ZDBF2: variants seen among roughly 807,000 people sequenced by gnomAD.
ZDBF2 encodes the protein zinc finger DBF-type containing 2.
In ZDBF2, 6 loss-of-function variants were observed where a neutral mutation model predicts 9.4. The ratio of observed to expected loss-of-function variants is 0.64; its 90% CI spans 0.35 to 1.27. The LOEUF (loss-of-function observed/expected upper bound fraction) is 1.27, where lower values mean the gene tolerates loss of function less well. Ranked by LOEUF, ZDBF2 falls within the 50% of genes most tolerant of loss-of-function variation. The pLI, the probability that ZDBF2 is intolerant of heterozygous loss-of-function variation, is 0.03. For synonymous variants in ZDBF2, 905 were observed against 946.3 expected (o/e 0.96, Z 0.80); for missense variants, 2,697 against 2,766.8 (o/e 0.97, Z 0.57).
chr2:206,304,231 A>T (rs1692647816), intron 4 of ZDBF2, among the ~76,000 whole-genome samples: 1 of 152,184 alleles, frequency 6.6e-6, no homozygotes, highest in Admixed American at 6.5e-5. Flanking sequence ...GCACCAAAAC[A>T]ATGTGTTAAG....
intron 4 of ZDBF2, among the ~76,000 whole-genome samples, chr2:206,301,966 G>A (rs1439072229): frequency 7.1e-6 from 1 of 140,676 alleles, no homozygotes; most frequent in African/African-American, 2.6e-5. Flanking sequence ...TTTAAAAAAT[G>A]TTTTTTTTTT....
Position 206,307,994 on chromosome 2 carries a change from A to G in ZDBF2, c.3466A>G (p.Ser1156Gly). ...CTTGGAAGTTAAGAACAGCCAATATAGTTGTTCAGAAATGAATTTGGATTC... is the reference window on the plus strand; with the variant it reads ...CTTGGAAGTTAAGAACAGCCAATATGGTTGTTCAGAAATGAATTTGGATTC... ...MYLEVKNSQY[S>G]CSEMNLDSGF... Residue 1156 changes from serine to glycine, a missense_variant, in exon 5 of 5, where the codon AGT (serine) becomes GGT (glycine). Physicochemically the swap from Ser to Gly is moderately conservative, Grantham distance 56. Around this residue, in one of 3 missense-constraint regions of ZDBF2, gnomAD observed 1,783 missense variants for 1,776.5 expected, o/e 1.00. Transcript: ENST00000374423. 6.2e-7 allele frequency: 1 copy of G among 1,613,866 alleles called. No individual in the cohort carries two copies. Among genetic ancestry groups the G allele is most frequent in the South Asian group, 1.1e-5 (1 of 91,052 alleles).
rs1410057735 is a variant in ZDBF2, at chr2:206,311,266, A to G, written c.6738A>G (p.Gly2246=). ...HRYQSRSAFL[G]RYLKKKKSVV... is the part of the protein sequence containing the mutation. ...ATCAGTCCAGGAGCGCTTTTCTTGG[A>G]AGGTATCTGAAGAAGAAAAAATCTG... Residue 2246 remains glycine, a synonymous_variant, in exon 5 of 5, where the codon GGA becomes GGG. Transcript: ENST00000374423. 1.2e-6 allele frequency: 2 copies of G among 1,609,904 alleles called. No individual in the cohort carries two copies. Among genetic ancestry groups the G allele is most frequent in the South Asian group, 2.2e-5 (2 of 90,432 alleles).
At chr2:206,293,044 C>G (rs1691980396) in intron 3 of ZDBF2, among the ~76,000 whole-genome samples, 1 of 151,960 alleles carries the variant, frequency 6.6e-6, no homozygotes. Context: ...AATAGATGTC[C>G]TCTATCAGAT....
rs1691146384 is a variant in ZDBF2 at position 206,278,536 on chromosome 2, A to T, written c.-102-1004A>T. On this transcript the variant is annotated intron_variant, in intron 1 of 4. Coordinates refer to ENST00000374423, the MANE Select transcript of ZDBF2 (RefSeq NM_020923.3). Reference sequence around the variant, plus strand: ...TAAATTCTTTAGTATGCTTTTGAATACTACCATGTCAAAATCCAATCTACT... The same window carrying T: ...TAAATTCTTTAGTATGCTTTTGAATTCTACCATGTCAAAATCCAATCTACT... Among the ~76,000 whole-genome samples, 3 of 152,362 alleles carry T rather than the reference A, an allele frequency of 2.0e-5. No homozygotes were observed. The South Asian group carries it at 6.2e-4, about 32-fold the overall frequency.
intron 2 of ZDBF2, among the ~76,000 whole-genome samples, chr2:206,280,088 A>C (rs1691235255): frequency 1.3e-5 from 2 of 152,236 alleles, no homozygotes; most frequent in African/African-American, 4.8e-5. Flanking sequence ...TACAGGCATG[A>C]GCCACCATGC....
intron 4 of ZDBF2, among the ~76,000 whole-genome samples, chr2:206,299,135 C>T (rs1404960839): frequency 6.6e-6 from 1 of 152,090 alleles, no homozygotes; most frequent in Non-Finnish European, 1.5e-5. Flanking sequence ...CCTGCCTCGC[C>T]CTCCCAAAGT....
rs140975248 is a variant in ZDBF2, at chr2:206,279,094, C to T, written c.-102-446C>T. 3.8e-3 allele frequency among the ~76,000 whole-genome samples: 582 copies of T among 152,308 alleles called. 2 individuals carry two copies. The highest frequency in any genetic ancestry group is 6.5e-3 in the Non-Finnish European group (441 of 68,022). ...TACAACAATGCGGAGGAATAAAAAA[C>T]ATGCTTCTGCTTAATAGTGTATTGA... On this transcript the variant is annotated intron_variant, in intron 1 of 4. Transcript: ENST00000374423.
chr2:206,283,727 G>A (rs558253507), intron 3 of ZDBF2, among the ~76,000 whole-genome samples: 7 of 152,154 alleles, frequency 4.6e-5, no homozygotes, highest in African/African-American at 7.2e-5. Context: ...GCAGTAGTGC[G>A]ATCATGGCAC....
chr2:206,277,311 T>TA (rs938302607), intron 1 of ZDBF2, among the ~76,000 whole-genome samples: 229 of 137,686 alleles, frequency 1.7e-3, no homozygotes, highest in East Asian at 2.1e-3. Flanking sequence ...AATATTTCTT[T>TA]AAAAAAAAAA....
At chr2:206,275,292 G>A (rs138973851) in intron 1 of ZDBF2, among the ~76,000 whole-genome samples, 2,581 of 152,142 alleles carry the variant, frequency 0.017, 51 homozygotes, top group African/African-American at 0.043. Context: ...GTCGGATTGA[G>A]GGCCGGGAAC....
intron 1 of ZDBF2, among the ~76,000 whole-genome samples, chr2:206,277,146 A>G (rs1691053528): frequency 6.6e-6 from 1 of 152,072 alleles, no homozygotes; most frequent in Non-Finnish European, 1.5e-5. Context: ...GTTGAAAAAT[A>G]TGTTTTATGA....
chr2:206,310,460 G>A lies in ZDBF2; in HGVS notation c.5932G>A (p.Asp1978Asn). 1.2e-6 allele frequency: 2 copies of A among 1,613,768 alleles called. No individual in the cohort carries two copies. Among genetic ancestry groups the A allele is most frequent in the South Asian group, 1.1e-5 (1 of 90,998 alleles). ...AAGTAAGTGTTCACGTTTACAGGAT[G>A]ACAGAAAAACCAAAAAGAAAGTCAA... ...PKSKCSRLQD[D>N]RKTKKKVKIG... Residue 1978 changes from aspartate (D) to asparagine (N), a missense_variant, in exon 5 of 5, where the codon GAC (aspartate) becomes AAC (asparagine). Physicochemically the swap from Asp to Asn is conservative, Grantham distance 23 (BLOSUM62 1). Around this residue, in one of 3 missense-constraint regions of ZDBF2, gnomAD observed 1,783 missense variants for 1,776.5 expected, o/e 1.00. Coordinates refer to ENST00000374423, the MANE Select transcript of ZDBF2 (RefSeq NM_020923.3).
intron 4 of ZDBF2, among the ~76,000 whole-genome samples, chr2:206,304,137 A>G (rs1401187909): frequency 1.3e-5 from 2 of 152,222 alleles, no homozygotes; most frequent in Non-Finnish European, 2.9e-5. Flanking sequence ...AGAGGTTACA[A>G]ATCTACATAG....
chr2:206,277,883 A>G (rs1342012150), intron 1 of ZDBF2, among the ~76,000 whole-genome samples: 3 of 152,204 alleles, frequency 2.0e-5, no homozygotes, highest in African/African-American at 7.2e-5. Context: ...ATTGACTTTA[A>G]GAAGTTAACC....
At chr2:206,288,422 T>G (rs1049748300) in intron 3 of ZDBF2, among the ~76,000 whole-genome samples, 1 of 152,230 alleles carries the variant, frequency 6.6e-6, no homozygotes, top group African/African-American at 2.4e-5. Context: ...ATGTCCTTGA[T>G]GTCAAGGGCT....
chr2:206,274,779 G>C lies in ZDBF2; in HGVS notation c.-270G>C, dbSNP rs976394401. The C allele has an allele frequency of 5.9e-5, 9 of 152,196 alleles. No homozygotes were observed. The highest frequency in any genetic ancestry group is 2.2e-4 in the African/African-American group (9 of 41,446). 9.4% of individuals were successfully genotyped at this position (152,196 alleles called of 1,614,324 possible). On this transcript the variant is annotated 5_prime_UTR_variant, in exon 1 of 5. Transcript: ENST00000374423. ...CCGCGCCGCTTCTCGCCTCCGGACC[G>C]CAGGGGCCGAAGTCGCCTATTTCTG...
rs76079572 is a variant in ZDBF2, at chr2:206,299,747, C to G, written c.188+2374C>G. ...GGCTGCAGTGTACTTTGACCTCCCC[C>G]CCGCCCGTGAATAGATGCATCCGGC... On this transcript the variant is annotated intron_variant, in intron 4 of 4. Transcript: ENST00000374423. Among the ~76,000 whole-genome samples, 40 of 152,156 alleles carry G rather than the reference C, an allele frequency of 2.6e-4. 1 individual carries two copies. The East Asian group carries it at 3.9e-3, about 15-fold the overall frequency.
chr2:206,277,656 C>T lies in ZDBF2; in HGVS notation c.-102-1884C>T, dbSNP rs910097545. Among the ~76,000 whole-genome samples the T allele has an allele frequency of 5.2e-5, 6 of 116,260 alleles. No individual in the cohort carries two copies. The East Asian group carries it at 1.6e-3, about 31-fold the overall frequency. The allele number at this position is 116,260 out of a possible 152,430, so 76.3% of individuals were successfully genotyped here. A position where few individuals can be genotyped will look rare whatever the true frequency, so the allele number is the denominator to read the frequency against. Reference sequence around the variant, plus strand: ...AGATTTTTGTTCTGCTTTAGAGGAACAAAAATGGAAACTCGGGTGAATTAC... The same window carrying T: ...AGATTTTTGTTCTGCTTTAGAGGAATAAAAATGGAAACTCGGGTGAATTAC... On this transcript the variant is annotated intron_variant, in intron 1 of 4. Coordinates refer to ENST00000374423, the MANE Select transcript of ZDBF2 (RefSeq NM_020923.3).
Sources: allele counts gnomAD v4.1 joint callset (sites outside exome capture counted in the v4.1 genomes callset), GRCh38; gene constraint gnomAD v4.1.1; regional missense constraint gnomAD v4.1.1; transcripts MANE v1.5; gene names NCBI Gene and HGNC (gene_info 2026-07-23, HGNC 2026-07-21).